CSMD2: variants seen among roughly 807,000 people sequenced by gnomAD.
CSMD2 encodes CUB and sushi domain-containing protein 2.
A neutral mutation model predicts 398.5 loss-of-function variants in CSMD2; 130 were observed. The observed-to-expected ratio is 0.33, with a 90% CI of 0.28 to 0.38. The LOEUF is 0.38. Among genes scored for constraint, CSMD2 ranks in the 10% least tolerant of loss-of-function variants. The pLI, the probability that CSMD2 is intolerant of heterozygous loss-of-function variation, is 1.00. For missense variants in CSMD2, 3,829 were observed against 4,764.9 expected (o/e 0.80, Z 5.78); for synonymous variants, 1,828 against 1,908.5 (o/e 0.96, Z 1.10).
chr1:33,878,112 G>A (rs1640969384), intron 5 of CSMD2: 1 of 152,198 alleles, frequency 6.6e-6, no homozygotes, highest in Non-Finnish European at 1.5e-5. Context: ...ATATCTGAGA[G>A]TTGCTTTTCA....
At chr1:33,617,953 C>G (rs1470713378) in intron 37 of CSMD2, among the ~76,000 whole-genome samples, 1 of 152,016 alleles carries the variant, frequency 6.6e-6, no homozygotes, top group Non-Finnish European at 1.5e-5. Flanking sequence ...CACATCCCTC[C>G]TGCTTCTTAC....
At chr1:34,145,120 A>G (rs894271254) in intron 1 of CSMD2, among the ~76,000 whole-genome samples, 1 of 152,172 alleles carries the variant, frequency 6.6e-6, no homozygotes, top group East Asian at 1.9e-4. Flanking sequence ...TTGAAAGAGG[A>G]AAGTGAAATG....
At chr1:34,026,289 TGC>T (rs1558265812) in intron 3 of CSMD2, among the ~76,000 whole-genome samples, 1 of 150,044 alleles carries the variant, frequency 6.7e-6, no homozygotes, top group Non-Finnish European at 1.5e-5. Flanking sequence ...TCTTGTACTA[TGC>T]CACCTTTCCC....
At chr1:33,830,053 C>T (rs978055420) in intron 6 of CSMD2, among the ~76,000 whole-genome samples, 20 of 152,222 alleles carry the variant, frequency 1.3e-4, no homozygotes, top group African/African-American at 4.6e-4. Flanking sequence ...GGCCTGCCTG[C>T]CTCTGTAGGC....
At chr1:33,763,939 A>G (rs546435585) in intron 13 of CSMD2, among the ~76,000 whole-genome samples, 102 of 152,182 alleles carry the variant, frequency 6.7e-4, no homozygotes, top group Admixed American at 1.2e-3. Flanking sequence ...CTGGGCTTCT[A>G]TTCTGGTTCA....
At chr1:33,606,906 T>A (rs920531587) in intron 41 of CSMD2, among the ~76,000 whole-genome samples, 2 of 152,030 alleles carry the variant, frequency 1.3e-5, no homozygotes, top group Non-Finnish European at 2.9e-5. Flanking sequence ...AAGGGAGAGG[T>A]TGGCCATATA....
chr1:34,051,029 CAAAG>C (rs1355754373), intron 2 of CSMD2, among the ~76,000 whole-genome samples: 1 of 152,204 alleles, frequency 6.6e-6, no homozygotes, highest in East Asian at 1.9e-4. Context: ...AATCAACAGG[CAAAG>C]AAAAGAGTAA....
rs558053380 is a variant in CSMD2, at chr1:33,880,580, C to T, written c.921-33584G>A. ...AAGACTGCGCTCTTCACTTACAGCT[C>T]AGTGGTTTTGGCTCTCTCTTTCTTC... On this transcript the variant is annotated intron_variant, in intron 5 of 70. Coordinates refer to ENST00000373381, the MANE Select transcript of CSMD2 (RefSeq NM_001281956.2). 5.3e-4 allele frequency among the ~76,000 whole-genome samples: 80 copies of T among 152,294 alleles called. 1 individual carries two copies. The highest frequency in any genetic ancestry group is 3.4e-3 in the Middle Eastern group (1 of 294).
intron 1 of CSMD2, among the ~76,000 whole-genome samples, chr1:34,104,940 G>A (rs181027836): frequency 3.3e-5 from 5 of 152,222 alleles, no homozygotes; most frequent in East Asian, 1.9e-4. Flanking sequence ...TGCCTCATAC[G>A]CCCTTCCACT....
chr1:33,574,155 T>A (rs2148704036), intron 49 of CSMD2, among the ~76,000 whole-genome samples: 1 of 152,226 alleles, frequency 6.6e-6, no homozygotes, highest in Non-Finnish European at 1.5e-5. Flanking sequence ...AGGAATTTAC[T>A]TAAGGATATA....
intron 4 of CSMD2, among the ~76,000 whole-genome samples, chr1:33,923,092 T>G (rs1167901529): frequency 6.6e-6 from 1 of 152,134 alleles, no homozygotes; most frequent in Non-Finnish European, 1.5e-5. Context: ...CTTAAAAAAT[T>G]TATTGTTATA....
At chr1:33,683,763 T>C (rs1265828719) in intron 25 of CSMD2, among the ~76,000 whole-genome samples, 1 of 152,198 alleles carries the variant, frequency 6.6e-6, no homozygotes, top group Non-Finnish European at 1.5e-5. Flanking sequence ...ATCCTCTCCT[T>C]CAAAAAATGT....
At chr1:33,681,560 A>T (rs1644909137) in intron 25 of CSMD2, among the ~76,000 whole-genome samples, 1 of 152,288 alleles carries the variant, frequency 6.6e-6, no homozygotes, top group East Asian at 1.9e-4. Context: ...ATAGTCACCA[A>T]TTCTTAGTAC....
intron 42 of CSMD2, among the ~76,000 whole-genome samples, chr1:33,603,392 A>G (rs970788939): frequency 1.1e-4 from 16 of 152,234 alleles, no homozygotes; most frequent in Admixed American, 5.9e-4. Flanking sequence ...AAAAATCCCC[A>G]AACACCATGG....
At chr1:33,834,035 TG>T (rs1448599444) in intron 6 of CSMD2, among the ~76,000 whole-genome samples, 1 of 144,630 alleles carries the variant, frequency 6.9e-6, no homozygotes, top group Non-Finnish European at 1.5e-5. Context: ...TCCATGCTCA[TG>T]GGTAGGAAGA....
intron 13 of CSMD2, among the ~76,000 whole-genome samples, chr1:33,750,241 T>C (rs1408137593): frequency 6.6e-6 from 1 of 152,172 alleles, no homozygotes; most frequent in African/African-American, 2.4e-5. Context: ...TTAAAACCAT[T>C]GCAAGATCCA....
At chr1:33,992,306 A>G (rs910411227) in intron 3 of CSMD2, among the ~76,000 whole-genome samples, 35 of 152,074 alleles carry the variant, frequency 2.3e-4, no homozygotes, top group African/African-American at 8.5e-4. Context: ...CTCCCACCTC[A>G]GCCTCCTGGG....
chr1:34,025,224 C>T (rs974848839), intron 3 of CSMD2, among the ~76,000 whole-genome samples: 2 of 152,092 alleles, frequency 1.3e-5, no homozygotes, highest in Non-Finnish European at 2.9e-5. Flanking sequence ...ATGATATTAC[C>T]GATCTTCCAT....
chr1:33,609,705 T>A (rs1640869294), intron 41 of CSMD2, among the ~76,000 whole-genome samples: 1 of 152,198 alleles, frequency 6.6e-6, no homozygotes, highest in Admixed American at 6.5e-5. Flanking sequence ...AAAACTATAG[T>A]ACGATCCAAT....
Sources: gnomAD v4.1 joint callset for allele counts (sites outside exome capture counted in the v4.1 genomes callset) on GRCh38, gnomAD v4.1.1 for gene constraint, MANE v1.5 for transcripts, NCBI Gene and HGNC (gene_info 2026-07-23, HGNC 2026-07-21) for gene names.